The following SNTB1 variants were observed in gnomAD, a reference collection of about 807,000 sequenced individuals.
The protein encoded by SNTB1 is syntrophin beta 1.
Under a neutral mutation model 48.9 loss-of-function variants are expected in SNTB1, and 36 were observed. The ratio of observed to expected loss-of-function variants is 0.74; its 90% CI spans 0.56 to 0.97. SNTB1 has a LOEUF of 0.97. SNTB1 is among the 50% of genes least tolerant of loss of function. The pLI is 0.00. For synonymous variants in SNTB1, 299 were observed against 294.6 expected, an observed-to-expected ratio of 1.01 and a Z score of -0.15; for missense variants, 786 against 703.4, an observed-to-expected ratio of 1.12 and a Z score of -1.33.
At chr8:120,548,341 C>T (rs1371347642) in intron 5 of SNTB1, among the ~76,000 whole-genome samples, 3 of 152,124 alleles carry the variant, frequency 2.0e-5, no homozygotes, top group Non-Finnish European at 4.4e-5. Flanking sequence ...GCCTAAAAGA[C>T]TCACACACCT....
rs546278727 is a variant in SNTB1 at position 120,793,803 on chromosome 8, T to C, written c.571+17470A>G. ...AACACATTAACAATTAAAGAATTAA[T>C]CTGAATTTTAATGTTGCTGCCAAAA... On this transcript the variant is annotated intron_variant, in intron 1 of 6. Transcript: ENST00000517992. Among the ~76,000 whole-genome samples the C allele has an allele frequency of 7.9e-5, 12 of 152,180 alleles. No homozygotes were observed. The East Asian group carries it at 2.3e-3, about 29-fold the overall frequency.
At chr8:120,797,853 G>A (rs1215699646) in intron 1 of SNTB1, among the ~76,000 whole-genome samples, 6 of 151,860 alleles carry the variant, frequency 4.0e-5, no homozygotes, top group Non-Finnish European at 8.8e-5. Flanking sequence ...TTGAGGCCAG[G>A]CAGGTGCAGT....
chr8:120,676,023 G>A (rs551442069), intron 2 of SNTB1, among the ~76,000 whole-genome samples: 1 of 152,270 alleles, frequency 6.6e-6, no homozygotes, highest in South Asian at 2.1e-4. Context: ...ATCTTTCACT[G>A]AATCTGACTG....
chr8:120,637,846 T>A lies in SNTB1; in HGVS notation c.789-5195A>T, dbSNP rs1005967955. The stretch of plus-strand genomic sequence containing the variant: ...CTCTTGCAAAAGGTTTCTTTTGACA[T>A]CTTCTAATACTCTTATTTCTTCTTT... On this transcript the variant is annotated intron_variant, in intron 2 of 6. Coordinates refer to ENST00000517992, the MANE Select transcript of SNTB1 (RefSeq NM_021021.4). 3 of 275,608 alleles carry A rather than the reference T, an allele frequency of 1.1e-5. No homozygotes were observed. In the Admixed American group the frequency reaches 1.3e-4, roughly 12 times the overall value. 17.1% of individuals were successfully genotyped at this position (275,608 alleles called of 1,614,324 possible).
At chr8:120,786,762 C>A (rs1819929434) in intron 1 of SNTB1, among the ~76,000 whole-genome samples, 1 of 152,152 alleles carries the variant, frequency 6.6e-6, no homozygotes, top group African/African-American at 2.4e-5. Flanking sequence ...TCCCTTCCCC[C>A]TGAAATACCT....
intron 3 of SNTB1, among the ~76,000 whole-genome samples, chr8:120,614,024 G>A (rs1428895615): frequency 6.6e-6 from 1 of 152,200 alleles, no homozygotes; most frequent in East Asian, 1.9e-4. Flanking sequence ...GAGACTGTCA[G>A]TGGTTTGCCC....
intron 1 of SNTB1, among the ~76,000 whole-genome samples, chr8:120,731,970 G>A (rs1818859599): frequency 6.6e-6 from 1 of 152,170 alleles, no homozygotes; most frequent in Non-Finnish European, 1.5e-5. Flanking sequence ...TAGTGTATAA[G>A]CAGTGAGCAG....
intron 1 of SNTB1, among the ~76,000 whole-genome samples, chr8:120,784,785 A>T (rs936299471): frequency 2.6e-5 from 4 of 152,266 alleles, no homozygotes; most frequent in Non-Finnish European, 4.4e-5. Flanking sequence ...GAAGCAACAC[A>T]GGAATTTAAA....
chr8:120,540,887 G>A (rs1472358608), intron 6 of SNTB1, among the ~76,000 whole-genome samples: 1 of 152,136 alleles, frequency 6.6e-6, no homozygotes, highest in Non-Finnish European at 1.5e-5. Flanking sequence ...AATTCTGAGA[G>A]ATAAAAAGTC....
chr8:120,669,365 CA>C (rs1278462343), intron 2 of SNTB1, among the ~76,000 whole-genome samples: 1 of 150,086 alleles, frequency 6.7e-6, no homozygotes, highest in Admixed American at 6.6e-5. Context: ...TAGAAAATAA[CA>C]AAAAAAGGAC....
intron 1 of SNTB1, among the ~76,000 whole-genome samples, chr8:120,697,810 C>A (rs748856568): frequency 6.6e-6 from 1 of 152,112 alleles, no homozygotes; most frequent in Non-Finnish European, 1.5e-5. Context: ...TCCACAAATT[C>A]TTTAAAAGTG....
intron 1 of SNTB1, among the ~76,000 whole-genome samples, chr8:120,746,687 A>G (rs1406911682): frequency 1.3e-5 from 2 of 152,240 alleles, no homozygotes; most frequent in African/African-American, 2.4e-5. Flanking sequence ...GTTTACTATG[A>G]TATCAAGATG....
chr8:120,645,320 C>T (rs1306387277), intron 2 of SNTB1, among the ~76,000 whole-genome samples: 1 of 149,840 alleles, frequency 6.7e-6, no homozygotes, highest in Non-Finnish European at 1.5e-5. Context: ...GTCTTTAATC[C>T]ATATTGAATT....
At chr8:120,787,043 T>C (rs761985349) in intron 1 of SNTB1, among the ~76,000 whole-genome samples, 7 of 152,182 alleles carry the variant, frequency 4.6e-5, no homozygotes, top group Non-Finnish European at 1.0e-4. Context: ...CCTGCTCACA[T>C]ACCTAACACA....
chr8:120,566,329 C>CAAAAA (rs71306894), intron 4 of SNTB1, among the ~76,000 whole-genome samples: 1 of 78,292 alleles, frequency 1.3e-5, no homozygotes, highest in Non-Finnish European at 2.5e-5. Flanking sequence ...GACTCTGTCT[C>CAAAAA]AAAAAAAAAA....
chr8:120,754,044 T>C (rs889399537), intron 1 of SNTB1, among the ~76,000 whole-genome samples: 1 of 152,142 alleles, frequency 6.6e-6, no homozygotes, highest in Non-Finnish European at 1.5e-5. Flanking sequence ...ACTAATACCA[T>C]GGATAAAAGA....
chr8:120,542,879 A>C (rs1394296292), intron 5 of SNTB1, among the ~76,000 whole-genome samples: 2 of 152,170 alleles, frequency 1.3e-5, no homozygotes, highest in Non-Finnish European at 2.9e-5. Flanking sequence ...CTTTTTAGAA[A>C]TTGAGAGGGG....
Position 120,588,317 on chromosome 8 carries a change from C to T in SNTB1, c.997-13092G>A, listed in dbSNP as rs1340259592. On this transcript the variant is annotated intron_variant, in intron 3 of 6. Coordinates refer to ENST00000517992, the MANE Select transcript of SNTB1 (RefSeq NM_021021.4). The stretch of plus-strand genomic sequence containing the variant: ...TTCAGTAATGTCAGACACCATAATA[C>T]CATTTACCATATGAACAAAACATCA... 2.0e-5 allele frequency among the ~76,000 whole-genome samples: 3 copies of T among 152,088 alleles called. No individual in the cohort carries two copies. In the East Asian group the frequency reaches 5.8e-4, roughly 29 times the overall value.
chr8:120,753,820 G>A (rs4871125), intron 1 of SNTB1, among the ~76,000 whole-genome samples: 19,410 of 152,166 alleles, frequency 0.13, 1,603 homozygotes, highest in African/African-American at 0.22. Context: ...CCACACATGT[G>A]TCTTATCTTA....
Sources: allele counts gnomAD v4.1 joint callset (sites outside exome capture counted in the v4.1 genomes callset), GRCh38; gene constraint gnomAD v4.1.1; transcripts MANE v1.5; gene names NCBI Gene and HGNC (gene_info 2026-07-23, HGNC 2026-07-21).